DIP2C: variants seen among roughly 807,000 people sequenced by gnomAD.
DIP2C encodes disco-interacting protein 2 homolog C.
DIP2C carries 33 observed loss-of-function variants against 192.4 expected under a neutral mutation model. The ratio of observed to expected loss-of-function variants is 0.17; its 90% confidence interval spans 0.13 to 0.23. The LOEUF (loss-of-function observed/expected upper bound fraction) is 0.23, where lower values mean the gene tolerates loss of function less well. DIP2C is among the 10% of genes least tolerant of loss of function. DIP2C has a pLI of 1.00. For missense variants in DIP2C, 1,537 were observed against 2,110.1 expected (o/e 0.73, Z 5.32); for synonymous variants, 979 against 864.1 (o/e 1.13, Z -2.33).
Position 277,364 on chromosome 10 carries a change from T to G in DIP2C, c.4632A>C (p.Ala1544=). The G allele has an allele frequency of 6.2e-7, 1 of 1,614,194 alleles. No individual in the cohort carries two copies. Among genetic ancestry groups the G allele is most frequent in the South Asian group, 1.1e-5 (1 of 91,082 alleles). Residue 1544 remains alanine (A), a synonymous_variant, in exon 37 of 37, where the codon GCA becomes GCC. Transcript: ENST00000280886. Reference sequence around the variant, plus strand: ...CCACATAGATGGGGTCTAGCTGGTCTGCCAAAAACCCGTCTCGCAGGTGCA... The same window carrying G: ...CCACATAGATGGGGTCTAGCTGGTCGGCCAAAAACCCGTCTCGCAGGTGCA... ...QRMHLRDGFL[A]DQLDPIYVAY... is the part of the protein sequence containing the mutation.
At chr10:379,826 A>G (rs1962161496) in intron 17 of DIP2C, among the ~76,000 whole-genome samples, 1 of 152,278 alleles carries the variant, frequency 6.6e-6, no homozygotes, top group South Asian at 2.1e-4. Flanking sequence ...TACCAGGAGC[A>G]GGGGCTGTCC....
intron 3 of DIP2C, among the ~76,000 whole-genome samples, chr10:449,917 C>CAAAAAAAAAAAAAAAAAAAA (rs1287942290): frequency 1.3e-4 from 3 of 22,564 alleles, no homozygotes; most frequent in Non-Finnish European, 2.2e-4. Context: ...CAGTCAACAA[C>CAAAAAAAAAAAAAAAAAAAA]AACAAAAAAA....
chr10:455,359 A>G (rs1269020918), intron 3 of DIP2C, among the ~76,000 whole-genome samples: 4 of 117,396 alleles, frequency 3.4e-5, no homozygotes, highest in African/African-American at 6.2e-5. Flanking sequence ...AAAACACTGC[A>G]GTGAGTCCCT....
chr10:495,459 G>T (rs1197945167), intron 1 of DIP2C, among the ~76,000 whole-genome samples: 1 of 151,928 alleles, frequency 6.6e-6, no homozygotes, highest in African/African-American at 2.4e-5. Flanking sequence ...AGCTTGAAGG[G>T]GCAGGAAAAA....
intron 1 of DIP2C, among the ~76,000 whole-genome samples, chr10:545,592 G>GC (rs1401674249): frequency 2.6e-5 from 4 of 152,314 alleles, no homozygotes; most frequent in African/African-American, 7.2e-5. Flanking sequence ...ATCGAACCCT[G>GC]CCTGCACCTT....
intron 1 of DIP2C, among the ~76,000 whole-genome samples, chr10:489,286 T>C (rs1394256917): frequency 6.6e-6 from 1 of 152,206 alleles, no homozygotes; most frequent in African/African-American, 2.4e-5. Context: ...TGAGCAAACC[T>C]TCTAGCAGCA....
chr10:310,827 C>G, intron 31 of DIP2C, among the ~76,000 whole-genome samples: 1 of 152,272 alleles, frequency 6.6e-6, no homozygotes, highest in East Asian at 1.9e-4. Flanking sequence ...GGCTGCATTA[C>G]AAACCAAAAT....
intron 32 of DIP2C, among the ~76,000 whole-genome samples, chr10:296,267 T>C (rs929683654): frequency 2.0e-5 from 3 of 152,204 alleles, no homozygotes; most frequent in African/African-American, 4.8e-5. Flanking sequence ...TAACATTAAG[T>C]CTTTAATCCA....
In DIP2C at chr10:489,442, C is replaced by T. The variant is rs1844268732; in HGVS notation, c.86-2912G>A. Among the ~76,000 whole-genome samples, 3 of 152,348 alleles carry T rather than the reference C, an allele frequency of 2.0e-5. No homozygotes were observed. The East Asian group carries it at 5.8e-4, about 29-fold the overall frequency. ...ATGGCAGGTGGTGGGAGGTGAGAGA[C>T]TGACAGGCAGAAGCTAGCTGGCTGA... On this transcript the variant is annotated intron_variant, in intron 1 of 36. Coordinates refer to ENST00000280886, the MANE Select transcript of DIP2C (RefSeq NM_014974.3).
chr10:497,392 T>TC (rs1019828448), intron 1 of DIP2C, among the ~76,000 whole-genome samples: 1 of 152,196 alleles, frequency 6.6e-6, no homozygotes, highest in Non-Finnish European at 1.5e-5. Context: ...ATACAGGCTC[T>TC]CCCCTCCCAC....
intron 6 of DIP2C, among the ~76,000 whole-genome samples, chr10:417,602 AGGCATCC>A (rs1316742099): frequency 3.3e-5 from 5 of 151,198 alleles, no homozygotes; most frequent in African/African-American, 1.2e-4. Flanking sequence ...GAGCTAGGAT[AGGCATCC>A]CTGTCTGCCT....
intron 1 of DIP2C, among the ~76,000 whole-genome samples, chr10:591,042 T>C (rs1176978832): frequency 6.6e-6 from 1 of 152,160 alleles, no homozygotes; most frequent in Non-Finnish European, 1.5e-5. Context: ...CAAACACACA[T>C]CCAATTCATC....
chr10:302,446 C>G lies in DIP2C; in HGVS notation c.3986+7585G>C, dbSNP rs183146953. ...AGGCTCAGCTCTGGTACCCAAGGGA[C>G]GGGGGAGTGAGGGTGAGGCTCCTGG... On this transcript the variant is annotated intron_variant, in intron 32 of 36. Transcript: ENST00000280886. Among the ~76,000 whole-genome samples the G allele has an allele frequency of 2.0e-3, 298 of 152,178 alleles. 2 individuals are homozygous for G. The highest frequency in any genetic ancestry group is 2.1e-3 in the Non-Finnish European group (140 of 67,992).
chr10:467,529 A>T (rs1265222889), intron 3 of DIP2C, among the ~76,000 whole-genome samples: 2 of 30,894 alleles, frequency 6.5e-5, no homozygotes, highest in Admixed American at 5.5e-4. Flanking sequence ...CTTAAAGTAT[A>T]AAAAAAAAAT....
intron 1 of DIP2C, among the ~76,000 whole-genome samples, chr10:579,798 T>C (rs1365757811): frequency 1.3e-5 from 2 of 151,964 alleles, no homozygotes; most frequent in Non-Finnish European, 2.9e-5. Flanking sequence ...ATAGCATATG[T>C]ACATAGGTAC....
intron 8 of DIP2C, among the ~76,000 whole-genome samples, chr10:410,078 G>A (rs907952502): frequency 3.3e-5 from 5 of 151,996 alleles, no homozygotes; most frequent in Admixed American, 6.5e-5. Context: ...AGATTTTGTC[G>A]TTTACAACAC....
intron 31 of DIP2C, among the ~76,000 whole-genome samples, chr10:321,308 A>G (rs938115795): frequency 6.6e-6 from 1 of 152,246 alleles, no homozygotes; most frequent in South Asian, 2.1e-4. Context: ...TCCTGCAGTC[A>G]TAACACTCAT....
At chr10:662,963 C>A (rs1856852713) in intron 1 of DIP2C, 1 of 716,870 alleles carries the variant, frequency 1.4e-6, no homozygotes, top group South Asian at 1.5e-5. Context: ...CTGTGATTAA[C>A]AGAACATGCT....
At chr10:378,925 G>C (rs935010007) in intron 17 of DIP2C, among the ~76,000 whole-genome samples, 3 of 152,212 alleles carry the variant, frequency 2.0e-5, no homozygotes, top group African/African-American at 7.2e-5. Flanking sequence ...ACATGCGTGA[G>C]GACAGGCGAG....
Sources: gnomAD v4.1 joint callset for allele counts (sites outside exome capture counted in the v4.1 genomes callset) on GRCh38, gnomAD v4.1.1 for gene constraint, MANE v1.5 for transcripts, NCBI Gene and HGNC (gene_info 2026-07-23, HGNC 2026-07-21) for gene names.